GSE1: variants seen among roughly 807,000 people sequenced by gnomAD.
GSE1 encodes the protein Gse1 coiled-coil protein, also known as genetic suppressor element 1.
In GSE1, 32 loss-of-function variants were observed where a neutral mutation model predicts 112.6. The observed-to-expected ratio is 0.28, with a 90% confidence interval of 0.21 to 0.38. The LOEUF (loss-of-function observed/expected upper bound fraction) is 0.38, where lower values mean the gene tolerates loss of function less well. Among genes scored for constraint, GSE1 ranks in the 10% least tolerant of loss-of-function variants. GSE1 has a pLI of 1.00. For synonymous variants in GSE1, 1,115 were observed against 735.6 expected (o/e 1.52, Z -8.35); for missense variants, 2,348 against 1,699.2 (o/e 1.38, Z -6.71).
chr16:85,404,271 C>T (rs1317243486), intron 2 of GSE1, among the ~76,000 whole-genome samples: 1 of 75,610 alleles, frequency 1.3e-5, no homozygotes, highest in African/African-American at 6.3e-5. Context: ...AGGGCTCCCC[C>T]AGATAATTCT....
intron 1 of GSE1, among the ~76,000 whole-genome samples, chr16:85,334,713 C>G (rs2046447052): frequency 1.3e-5 from 2 of 152,204 alleles, no homozygotes. Flanking sequence ...CCCACCACCC[C>G]AAAATATGGC....
intron 1 of GSE1, among the ~76,000 whole-genome samples, chr16:85,185,710 T>C (rs2074686025): frequency 6.6e-6 from 1 of 152,238 alleles, no homozygotes; most frequent in Non-Finnish European, 1.5e-5. Flanking sequence ...TGTGGGCTTT[T>C]GGGAGCCCCA....
intron 1 of GSE1, among the ~76,000 whole-genome samples, chr16:85,626,518 G>A (rs985918821): frequency 1.3e-5 from 2 of 152,236 alleles, no homozygotes; most frequent in Admixed American, 1.3e-4. Context: ...TTACCAAGAG[G>A]GGTGATTAGA....
At chr16:85,568,960 C>A (rs2151319683) in intron 1 of GSE1, among the ~76,000 whole-genome samples, 1 of 152,272 alleles carries the variant, frequency 6.6e-6, no homozygotes, top group South Asian at 2.1e-4. Context: ...GATGGAGACC[C>A]CTAGAAATGA....
chr16:85,553,308 C>CGCA (rs1491159371), upstream of GSE1, among the ~76,000 whole-genome samples: 2 of 149,270 alleles, frequency 1.3e-5, no homozygotes, highest in Non-Finnish European at 3.0e-5. Flanking sequence ...CCGCCGCCGC[C>CGCA]GCTGCCGGCG....
upstream of GSE1, chr16:85,554,977 C>A: frequency 1.0e-6 from 1 of 985,378 alleles, no homozygotes; most frequent in Non-Finnish European, 1.2e-6. Context: ...TCCTGCGCCC[C>A]GCTCCCCGTC....
At chr16:85,509,030 G>A (rs866879270) in intron 2 of GSE1, among the ~76,000 whole-genome samples, 1 of 152,348 alleles carries the variant, frequency 6.6e-6, no homozygotes, top group Middle Eastern at 3.4e-3. Context: ...AGCAGGGAGA[G>A]GGACTTGAAC....
At chr16:85,634,576 G>C (rs1187636790) in intron 2 of GSE1, among the ~76,000 whole-genome samples, 1 of 152,182 alleles carries the variant, frequency 6.6e-6, no homozygotes, top group African/African-American at 2.4e-5. Flanking sequence ...TGGAAACACA[G>C]TGGTCTGGAG....
chr16:85,466,342 C>G (rs571244307), intron 2 of GSE1, among the ~76,000 whole-genome samples: 1 of 152,288 alleles, frequency 6.6e-6, no homozygotes, highest in South Asian at 2.1e-4. Flanking sequence ...AGGAGTGGCC[C>G]CCAGGACCCC....
At chr16:85,215,754 T>TG (rs978977638) in intron 1 of GSE1, among the ~76,000 whole-genome samples, 15 of 152,158 alleles carry the variant, frequency 9.9e-5, no homozygotes, top group East Asian at 3.9e-4. Flanking sequence ...GCACACATTC[T>TG]GGGGGGGTGT....
At chr16:85,590,009 C>T (rs976089842) in intron 1 of GSE1, among the ~76,000 whole-genome samples, 1 of 151,742 alleles carries the variant, frequency 6.6e-6, no homozygotes, top group Non-Finnish European at 1.5e-5. Context: ...ACTGTGTGAC[C>T]TGTGTGAATG....
At chr16:85,569,006 G>A (rs1240244547) in intron 1 of GSE1, among the ~76,000 whole-genome samples, 3 of 152,198 alleles carry the variant, frequency 2.0e-5, no homozygotes, top group Non-Finnish European at 4.4e-5. Context: ...TCTGGAGTAT[G>A]ATCATGGTTA....
At chr16:85,286,836 A>G (rs1283805140) in intron 1 of GSE1, among the ~76,000 whole-genome samples, 1 of 152,002 alleles carries the variant, frequency 6.6e-6, no homozygotes, top group Non-Finnish European at 1.5e-5. Context: ...CTGTGTAGGG[A>G]TTAAAAACAA....
chr16:85,656,281 G>C, intron 6 of GSE1, 62 bp from the exon 7 acceptor site: 3 of 1,585,696 alleles, frequency 1.9e-6, no homozygotes, highest in African/African-American at 1.4e-5. Context: ...TTAAGGGCCT[G>C]CCCCAGGTCC....
chr16:85,651,237 C>T (rs975952499), intron 3 of GSE1, among the ~76,000 whole-genome samples: 2 of 151,954 alleles, frequency 1.3e-5, no homozygotes, highest in South Asian at 2.1e-4. Flanking sequence ...GGGGTAGCTG[C>T]CGAGCCTGCC....
At chr16:85,601,841 T>G (rs2047479499) in intron 1 of GSE1, among the ~76,000 whole-genome samples, 1 of 152,204 alleles carries the variant, frequency 6.6e-6, no homozygotes, top group Non-Finnish European at 1.5e-5. Context: ...AGAGCTGCCC[T>G]GGACACCAGG....
At chr16:85,440,177 G>C (rs2049343161) in intron 2 of GSE1, among the ~76,000 whole-genome samples, 1 of 152,254 alleles carries the variant, frequency 6.6e-6, no homozygotes, top group Non-Finnish European at 1.5e-5. Context: ...CTCGAACCGT[G>C]TCTTGACTCA....
chr16:85,468,959 T>A (rs368975038), intron 2 of GSE1, among the ~76,000 whole-genome samples: 11 of 152,300 alleles, frequency 7.2e-5, no homozygotes, highest in Admixed American at 3.3e-4. Context: ...CATCTTGTAT[T>A]AAAGTGGGCC....
intron 1 of GSE1, among the ~76,000 whole-genome samples, chr16:85,304,524 C>T (rs555130025): frequency 4.9e-5 from 7 of 141,892 alleles, no homozygotes; most frequent in South Asian, 2.2e-4. Context: ...AAGCACCCAA[C>T]GTGTAGCTTC....
Sources: gnomAD v4.1 joint callset for allele counts (sites outside exome capture counted in the v4.1 genomes callset) on GRCh38, gnomAD v4.1.1 for gene constraint, MANE v1.5 for transcripts, NCBI Gene and HGNC (gene_info 2026-07-23, HGNC 2026-07-21) for gene names.